Variants in MTX2 observed in about 807,000 individuals in gnomAD.
The protein encoded by MTX2 is metaxin 2, also known as metaxin-2.
A neutral mutation model predicts 42.3 loss-of-function variants in MTX2; 35 were observed. That is an observed-to-expected ratio of 0.83 (90% CI 0.63 to 1.10). The LOEUF (loss-of-function observed/expected upper bound fraction) is 1.10. Among genes scored for constraint, MTX2 ranks in the 50% least tolerant of loss-of-function variants. MTX2 has a pLI of 0.00. For synonymous variants in MTX2, 119 were observed against 100.9 expected, an observed-to-expected ratio of 1.18 and a Z score of -1.08; for missense variants, 307 against 304.1, an observed-to-expected ratio of 1.01 and a Z score of -0.07.
At chr2:176,312,863 C>CAAAAAAAAAAAAA (rs557475003) in intron 3 of MTX2, among the ~76,000 whole-genome samples, 13 of 55,910 alleles carry the variant, frequency 2.3e-4, no homozygotes, top group East Asian at 5.6e-4. Flanking sequence ...AATGCCATCT[C>CAAAAAAAAAAAAA]AAAAAAAAAA....
At chr2:176,280,879 A>G (rs1296754314) in intron 1 of MTX2, among the ~76,000 whole-genome samples, 1 of 152,230 alleles carries the variant, frequency 6.6e-6, no homozygotes, top group African/African-American at 2.4e-5. Context: ...GTCATGGACA[A>G]GGATAGTGTC....
chr2:176,335,698 C>G (rs1044105727), intron 9 of MTX2, among the ~76,000 whole-genome samples: 6 of 152,160 alleles, frequency 3.9e-5, no homozygotes, highest in African/African-American at 1.4e-4. Context: ...TTGGCCTGAA[C>G]AGCTGGTTGG....
In MTX2 at chr2:176,295,608, A is replaced by T. The variant is rs143419241; in HGVS notation, c.41-1252A>T. Among the ~76,000 whole-genome samples, 21 of 152,316 alleles carry T rather than the reference A, an allele frequency of 1.4e-4. No individual in the cohort carries two copies. In the East Asian group the frequency reaches 4.0e-3, roughly 29 times the overall value. On this transcript the variant is annotated intron_variant, in intron 1 of 9. Coordinates refer to ENST00000249442, the MANE Select transcript of MTX2 (RefSeq NM_006554.5). Reference sequence around the variant, plus strand: ...TGTTTTCATGGCATTATCTCTAAATACAAGTTTAATTTTGTGTAGCCCAAA... The same window carrying T: ...TGTTTTCATGGCATTATCTCTAAATTCAAGTTTAATTTTGTGTAGCCCAAA...
At chr2:176,313,231 T>C (rs544673265) in intron 3 of MTX2, among the ~76,000 whole-genome samples, 1 of 152,154 alleles carries the variant, frequency 6.6e-6, no homozygotes, top group South Asian at 2.1e-4. Context: ...GTTTTACATA[T>C]AGAACTTCAG....
At chr2:176,311,088 G>C (rs533651369) in intron 3 of MTX2, among the ~76,000 whole-genome samples, 90 of 152,314 alleles carry the variant, frequency 5.9e-4, no homozygotes, top group African/African-American at 2.1e-3. Flanking sequence ...TTTTGGTGTA[G>C]ATGACCTTTT....
At chr2:176,274,218 A>G (rs1327512309) in intron 1 of MTX2, among the ~76,000 whole-genome samples, 14 of 152,196 alleles carry the variant, frequency 9.2e-5, no homozygotes, top group Admixed American at 3.3e-4. Flanking sequence ...AAATTACCTG[A>G]AATCATACCA....
intron 9 of MTX2, among the ~76,000 whole-genome samples, chr2:176,332,352 G>GAT (rs1230508540): frequency 5.3e-5 from 8 of 151,290 alleles, no homozygotes; most frequent in Non-Finnish European, 1.0e-4. Context: ...TACTTTGTGA[G>GAT]ATACTATGTT....
intron 3 of MTX2, among the ~76,000 whole-genome samples, chr2:176,298,237 TCA>T (rs1491397852): frequency 1.3e-5 from 2 of 152,240 alleles, no homozygotes; most frequent in East Asian, 3.9e-4. Flanking sequence ...ATTTGTGGAC[TCA>T]CAATTATTTT....
intron 3 of MTX2, among the ~76,000 whole-genome samples, chr2:176,312,339 G>T (rs1684335741): frequency 6.6e-6 from 1 of 152,080 alleles, no homozygotes; most frequent in Non-Finnish European, 1.5e-5. Context: ...AAGGACTAAA[G>T]TAGTAAACAA....
intron 1 of MTX2, among the ~76,000 whole-genome samples, chr2:176,279,289 A>G (rs780517271): frequency 1.3e-5 from 2 of 152,134 alleles, no homozygotes; most frequent in Non-Finnish European, 2.9e-5. Context: ...ATCATATTTT[A>G]TTACCTGGTC....
At chr2:176,310,964 T>C (rs1178926544) in intron 3 of MTX2, among the ~76,000 whole-genome samples, 1 of 152,220 alleles carries the variant, frequency 6.6e-6, no homozygotes, top group African/African-American at 2.4e-5. Context: ...TGCTATCCTT[T>C]GGAGGAGGAG....
At chr2:176,334,502 A>G (rs1684941502) in intron 9 of MTX2, among the ~76,000 whole-genome samples, 1 of 151,688 alleles carries the variant, frequency 6.6e-6, no homozygotes, top group African/African-American at 2.4e-5. Context: ...TCTATTCATT[A>G]TTGGTTCATT....
chr2:176,330,769 A>C, intron 9 of MTX2, 109 bp downstream of exon 9: 1 of 750,466 alleles, frequency 1.3e-6, no homozygotes, highest in Non-Finnish European at 2.2e-6. Flanking sequence ...TATTTTTATA[A>C]TTTTTGTACT....
Position 176,326,834 on chromosome 2 carries a change from C to CT in MTX2, c.222dup (p.Ile75TyrfsTer19). On this transcript the variant is annotated frameshift_variant, in exon 5 of 10. Coordinates refer to ENST00000249442, the MANE Select transcript of MTX2 (RefSeq NM_006554.5). LOFTEE classifies it high-confidence loss of function. ...TTTTTTCTCTCAACAGGTAAAGTAC[C>CT]TTTTATTCATGTGGGAAATCAAGTA... 6.4e-7 allele frequency: 1 copy of CT among 1,564,518 alleles called. No individual in the cohort carries two copies. The highest frequency in any genetic ancestry group is 8.7e-7 in the Non-Finnish European group (1 of 1,151,170).
chr2:176,274,284 A>T (rs962797848), intron 1 of MTX2, among the ~76,000 whole-genome samples: 1 of 152,166 alleles, frequency 6.6e-6, no homozygotes, highest in Non-Finnish European at 1.5e-5. Flanking sequence ...GAGCAAAGCT[A>T]TTTCATTCTC....
intron 3 of MTX2, among the ~76,000 whole-genome samples, chr2:176,300,128 C>T (rs1363432710): frequency 7.0e-6 from 1 of 142,054 alleles, no homozygotes; most frequent in Non-Finnish European, 1.5e-5. Flanking sequence ...CACACATGCA[C>T]ACACTAGAGA....
intron 1 of MTX2, among the ~76,000 whole-genome samples, chr2:176,288,737 T>C (rs1410835930): frequency 6.6e-6 from 1 of 151,882 alleles, no homozygotes; most frequent in Non-Finnish European, 1.5e-5. Flanking sequence ...GTAATATTAG[T>C]GCCTATTATT....
chr2:176,306,840 T>G (rs545251674), intron 3 of MTX2, among the ~76,000 whole-genome samples: 1 of 152,294 alleles, frequency 6.6e-6, no homozygotes, highest in African/African-American at 2.4e-5. Flanking sequence ...GCAAAAATTT[T>G]CTCCCATTCT....
intron 1 of MTX2, among the ~76,000 whole-genome samples, chr2:176,277,654 G>T (rs766036027): frequency 3.3e-5 from 5 of 151,954 alleles, no homozygotes; most frequent in Non-Finnish European, 7.4e-5. Flanking sequence ...TGCCCACCCC[G>T]GCCTCCCAAA....
Sources: gnomAD v4.1 joint callset for allele counts (sites outside exome capture counted in the v4.1 genomes callset) on GRCh38, gnomAD v4.1.1 for gene constraint, MANE v1.5 for transcripts, NCBI Gene and HGNC (gene_info 2026-07-23, HGNC 2026-07-21) for gene names.